Variants in SLC4A10 observed in about 807,000 individuals in gnomAD.
The protein encoded by SLC4A10 is sodium-driven chloride bicarbonate exchanger.
SLC4A10 carries 42 observed loss-of-function variants against 137.7 expected under a neutral mutation model. That is an observed-to-expected ratio of 0.30 (90% CI 0.24 to 0.39). The LOEUF is 0.39. SLC4A10 is among the 10% of genes least tolerant of loss of function. SLC4A10 has a pLI of 1.00. For missense variants in SLC4A10, 925 were observed against 1,355.0 expected (o/e 0.68, Z 4.98); for synonymous variants, 474 against 464.1 (o/e 1.02, Z -0.27).
chr2:161,713,171 T>A (rs1170730078), intron 1 of SLC4A10, among the ~76,000 whole-genome samples: 1 of 151,814 alleles, frequency 6.6e-6, no homozygotes, highest in Non-Finnish European at 1.5e-5. Context: ...TAACTTAGAC[T>A]TACCACAGGA....
At chr2:161,756,696 C>T (rs2049687720) in intron 1 of SLC4A10, among the ~76,000 whole-genome samples, 2 of 152,092 alleles carry the variant, frequency 1.3e-5, no homozygotes, top group African/African-American at 2.4e-5. Flanking sequence ...TATGACATCA[C>T]TTTTGGTTAT....
At chr2:161,830,071 C>G (rs971525079) in intron 3 of SLC4A10, among the ~76,000 whole-genome samples, 1 of 150,960 alleles carries the variant, frequency 6.6e-6, no homozygotes, top group South Asian at 2.1e-4. Context: ...CAATTTCTTT[C>G]TATAGAATAT....
At chr2:161,669,866 T>C (rs779588310) in intron 1 of SLC4A10, among the ~76,000 whole-genome samples, 1 of 152,038 alleles carries the variant, frequency 6.6e-6, no homozygotes, top group Non-Finnish European at 1.5e-5. Context: ...TATGAAGCCA[T>C]GGTTTGTTAT....
intron 1 of SLC4A10, among the ~76,000 whole-genome samples, chr2:161,699,369 T>A (rs1451849157): frequency 6.6e-6 from 1 of 152,160 alleles, no homozygotes; most frequent in African/African-American, 2.4e-5. Flanking sequence ...ATTGTTCTTT[T>A]ATTTACCATA....
intron 1 of SLC4A10, among the ~76,000 whole-genome samples, chr2:161,665,609 A>G (rs1201830308): frequency 6.6e-6 from 1 of 151,764 alleles, no homozygotes; most frequent in Non-Finnish European, 1.5e-5. Context: ...GTATAGTAGT[A>G]GACACAATTC....
intron 3 of SLC4A10, among the ~76,000 whole-genome samples, chr2:161,806,909 A>G (rs908286526): frequency 4.6e-5 from 7 of 152,162 alleles, no homozygotes; most frequent in African/African-American, 1.7e-4. Flanking sequence ...CTATATTAAT[A>G]TGTTTTCACA....
chr2:161,703,094 C>T (rs866165239), intron 1 of SLC4A10, among the ~76,000 whole-genome samples: 10 of 151,498 alleles, frequency 6.6e-5, no homozygotes, highest in South Asian at 2.1e-4. Flanking sequence ...AGATATAACC[C>T]TTCTGGAGGG....
chr2:161,972,188 G>T (rs907003311), intron 23 of SLC4A10, among the ~76,000 whole-genome samples: 3 of 150,420 alleles, frequency 2.0e-5, no homozygotes, highest in African/African-American at 7.3e-5. Flanking sequence ...ACCAAGAAAA[G>T]AATTGCATCT....
chr2:161,802,423 A>G (rs1280966504), intron 2 of SLC4A10, among the ~76,000 whole-genome samples: 1 of 152,140 alleles, frequency 6.6e-6, no homozygotes, highest in Non-Finnish European at 1.5e-5. Flanking sequence ...TAATTTAAGT[A>G]CAAATATATC....
chr2:161,755,585 C>T (rs961607893), intron 1 of SLC4A10, among the ~76,000 whole-genome samples: 2 of 152,136 alleles, frequency 1.3e-5, no homozygotes, highest in African/African-American at 4.8e-5. Flanking sequence ...ACAAATATCC[C>T]TTGGGAGCAT....
chr2:161,662,054 T>A (rs1013418585), intron 1 of SLC4A10, among the ~76,000 whole-genome samples: 2 of 152,144 alleles, frequency 1.3e-5, no homozygotes, highest in African/African-American at 4.8e-5. Context: ...CTACAGACTC[T>A]TTTAACTTCT....
intron 1 of SLC4A10, among the ~76,000 whole-genome samples, chr2:161,696,319 T>C (rs566020022): frequency 2.9e-4 from 43 of 150,414 alleles, no homozygotes; most frequent in African/African-American, 1.0e-3. Context: ...TTTATTATTA[T>C]TATACTTTAA....
At chr2:161,781,686 G>T (rs2053034617) in intron 2 of SLC4A10, among the ~76,000 whole-genome samples, 1 of 151,928 alleles carries the variant, frequency 6.6e-6, no homozygotes, top group Admixed American at 6.6e-5. Flanking sequence ...AATGACAGAA[G>T]ACTGATGTCA....
At chr2:161,863,095 A>G (rs1045754580) in intron 6 of SLC4A10, 33 bp downstream of exon 6, 2 of 1,583,356 alleles carry the variant, frequency 1.3e-6, no homozygotes, top group Non-Finnish European at 1.7e-6. Context: ...CTTTATGTCT[A>G]CTATAGGTCT....
At position 161,834,067 on chromosome 2, in the gene SLC4A10, C is replaced by G. The variant is rs570372747; in HGVS notation, c.278-5722C>G. ...CCATTTCTGGGCATAATGCGTTATT[C>G]TTTCTTATTACAGAAACCTCAGGCC... On this transcript the variant is annotated intron_variant, in intron 3 of 26. Transcript: ENST00000446997. Among the ~76,000 whole-genome samples the G allele has an allele frequency of 3.9e-5, 6 of 152,334 alleles. No individual in the cohort carries two copies. The East Asian group carries it at 1.2e-3, about 29-fold the overall frequency.
chr2:161,840,455 G>A (rs1038150442), intron 4 of SLC4A10, among the ~76,000 whole-genome samples: 1 of 152,104 alleles, frequency 6.6e-6, no homozygotes, highest in Non-Finnish European at 1.5e-5. Flanking sequence ...TCTATCATTT[G>A]TAATTAAGAT....
chr2:161,732,748 A>G (rs759117498), intron 1 of SLC4A10, among the ~76,000 whole-genome samples: 1 of 152,190 alleles, frequency 6.6e-6, no homozygotes, highest in Non-Finnish European at 1.5e-5. Context: ...GGAACTTCCT[A>G]GAGACTTGTT....
intron 9 of SLC4A10, among the ~76,000 whole-genome samples, chr2:161,880,899 A>G (rs2061723645): frequency 3.3e-5 from 5 of 152,110 alleles, no homozygotes; most frequent in Admixed American, 3.3e-4. Context: ...AAAAATTCCC[A>G]TGAGTAGAAA....
At chr2:161,962,936 G>A (rs1575872368) in intron 21 of SLC4A10, among the ~76,000 whole-genome samples, 1 of 152,068 alleles carries the variant, frequency 6.6e-6, no homozygotes, top group African/African-American at 2.4e-5. Context: ...TTTAAAATAA[G>A]TTAGTTAAGA....
Sources: gnomAD v4.1 joint callset for allele counts (sites outside exome capture counted in the v4.1 genomes callset) on GRCh38, gnomAD v4.1.1 for gene constraint, MANE v1.5 for transcripts, NCBI Gene and HGNC (gene_info 2026-07-23, HGNC 2026-07-21) for gene names.